Variants in ZNRF1 observed in about 807,000 individuals in gnomAD.
ZNRF1 encodes the protein E3 ubiquitin-protein ligase ZNRF1.
ZNRF1 carries 3 observed loss-of-function variants against 18.4 expected under a neutral mutation model. The observed-to-expected ratio is 0.16, with a 90% CI of 0.07 to 0.42. The LOEUF (loss-of-function observed/expected upper bound fraction) is 0.42, where lower values mean the gene tolerates loss of function less well. Ranked by LOEUF, ZNRF1 falls within the 10% of genes least tolerant of loss-of-function variation. ZNRF1 has a pLI of 0.99. For missense variants in ZNRF1, 310 were observed against 329.8 expected (o/e 0.94, Z 0.47); for synonymous variants, 157 against 144.2 (o/e 1.09, Z -0.64).
At chr16:75,059,329 C>T (rs1488286174) in intron 1 of ZNRF1, among the ~76,000 whole-genome samples, 1 of 145,266 alleles carries the variant, frequency 6.9e-6, no homozygotes, top group Non-Finnish European at 1.5e-5. Flanking sequence ...CTCACTGCAA[C>T]CTCCACCTCC....
rs1045854246 is a variant in ZNRF1 at position 75,109,765 on chromosome 16, G to A, written c.*2065G>A. The stretch of plus-strand genomic sequence containing the variant: ...CGGGGACAAAACCATGCAGCTCAGA[G>A]GTCCCTGTGGGGGCTGGGGGAGCTG... On this transcript the variant is annotated 3_prime_UTR_variant, in exon 5 of 5. Coordinates refer to ENST00000335325, the MANE Select transcript of ZNRF1 (RefSeq NM_032268.5). 6.6e-6 allele frequency: 1 copy of A among 152,298 alleles called. No individual in the cohort carries two copies. The highest frequency in any genetic ancestry group is 1.5e-5 in the Non-Finnish European group (1 of 68,102). The allele number at this position is 152,298 out of a possible 1,614,324, so 9.4% of individuals were successfully genotyped here. A position where few individuals can be genotyped will look rare whatever the true frequency, so the allele number is the denominator to read the frequency against.
chr16:75,106,613 G>T, intron 4 of ZNRF1, 42 bp downstream of exon 4: 1 of 1,581,852 alleles, frequency 6.3e-7, no homozygotes, highest in Non-Finnish European at 8.7e-7. Context: ...AAGGCTTGGG[G>T]TCAGGTCACT....
chr16:75,045,770 C>T (rs1597877593), intron 1 of ZNRF1, among the ~76,000 whole-genome samples: 2 of 149,320 alleles, frequency 1.3e-5, no homozygotes, highest in African/African-American at 5.0e-5. Flanking sequence ...GGCTGGAGTG[C>T]AGTGGCATGA....
intron 1 of ZNRF1, among the ~76,000 whole-genome samples, chr16:75,018,665 C>G (rs1015169181): frequency 3.3e-5 from 5 of 152,170 alleles, no homozygotes; most frequent in Admixed American, 6.5e-5. Flanking sequence ...GGGCTTTCTC[C>G]TTTCAGTTGT....
At chr16:75,066,130 G>A (rs576639933) in intron 1 of ZNRF1, among the ~76,000 whole-genome samples, 49 of 152,284 alleles carry the variant, frequency 3.2e-4, no homozygotes, top group Non-Finnish European at 5.4e-4. Context: ...TTGGAGGCTC[G>A]CTCTTTGAAG....
chr16:75,102,362 A>G (rs370455949), intron 2 of ZNRF1, among the ~76,000 whole-genome samples: 2 of 152,204 alleles, frequency 1.3e-5, no homozygotes, highest in South Asian at 2.1e-4. Context: ...CAAAATGAGA[A>G]TAACACTGGG....
chr16:75,037,462 C>A (rs1597872517), intron 1 of ZNRF1, among the ~76,000 whole-genome samples: 1 of 152,126 alleles, frequency 6.6e-6, no homozygotes, highest in Non-Finnish European at 1.5e-5. Context: ...CTCAGCCTCC[C>A]AAGTAGCTGG....
At position 75,099,585 on chromosome 16, in the gene ZNRF1, G is replaced by A. The variant is rs371283697; in HGVS notation, c.521-5199G>A. ...TTTGTACAGTGGCGTCAGGAAACTT[G>A]GGAGGTGCTTCAGAGGTAGTAAGAA... On this transcript the variant is annotated intron_variant, in intron 2 of 4. Coordinates refer to ENST00000335325, the MANE Select transcript of ZNRF1 (RefSeq NM_032268.5). Among the ~76,000 whole-genome samples the A allele has an allele frequency of 1.3e-4, 20 of 152,340 alleles. 2 individuals carry two copies. The highest frequency in any genetic ancestry group is 1.0e-3 in the South Asian group (5 of 4,822).
At chr16:75,017,193 TTG>T (rs2035084005) in intron 1 of ZNRF1, among the ~76,000 whole-genome samples, 1 of 152,184 alleles carries the variant, frequency 6.6e-6, no homozygotes, top group Admixed American at 6.5e-5. Flanking sequence ...TTTTGGCACT[TTG>T]TGCTTCCAGA....
intron 1 of ZNRF1, among the ~76,000 whole-genome samples, chr16:75,007,634 G>A (rs571838924): frequency 1.4e-4 from 21 of 152,188 alleles, no homozygotes; most frequent in Non-Finnish European, 3.1e-4. Context: ...AAGGTGCTCA[G>A]TATTCTCTAG....
rs543217094 is a variant in ZNRF1, at chr16:75,072,341, C to G, written c.425-21231C>G. 7.2e-5 allele frequency among the ~76,000 whole-genome samples: 11 copies of G among 152,260 alleles called. No individual in the cohort carries two copies. The East Asian group carries it at 7.7e-4, about 11-fold the overall frequency. ...TGCTTTCCTCACATCACTGTCACCC[C>G]AACCCACTGGCCCCAAAATGGCAGT... On this transcript the variant is annotated intron_variant, in intron 1 of 4. Coordinates refer to ENST00000335325, the MANE Select transcript of ZNRF1 (RefSeq NM_032268.5).
intron 1 of ZNRF1, among the ~76,000 whole-genome samples, chr16:75,037,812 T>G (rs1256406447): frequency 1.3e-5 from 2 of 152,182 alleles, no homozygotes; most frequent in Non-Finnish European, 2.9e-5. Context: ...ACCACTGATT[T>G]TAGTTAGCAT....
At chr16:75,029,062 T>C (rs1244384332) in intron 1 of ZNRF1, among the ~76,000 whole-genome samples, 1 of 130,798 alleles carries the variant, frequency 7.6e-6, no homozygotes, top group East Asian at 2.3e-4. Flanking sequence ...ATGTCCAGCT[T>C]GACTGCAATC....
At chr16:75,085,540 A>G (rs2036062422) in intron 1 of ZNRF1, among the ~76,000 whole-genome samples, 3 of 152,156 alleles carry the variant, frequency 2.0e-5, no homozygotes, top group Non-Finnish European at 4.4e-5. Context: ...TCTTTTGGGT[A>G]AATACATAGA....
At chr16:75,025,401 C>G (rs1597864816) in intron 1 of ZNRF1, among the ~76,000 whole-genome samples, 1 of 152,200 alleles carries the variant, frequency 6.6e-6, no homozygotes, top group Non-Finnish European at 1.5e-5. Flanking sequence ...GTTGTAATTT[C>G]TGGAAACTTG....
chr16:75,100,909 T>A (rs1007688614), intron 2 of ZNRF1, among the ~76,000 whole-genome samples: 3 of 152,196 alleles, frequency 2.0e-5, no homozygotes, highest in Non-Finnish European at 4.4e-5. Context: ...TCTGTTTTAT[T>A]ATGAAAAATG....
At position 75,056,907 on chromosome 16, in the gene ZNRF1, G is replaced by T. The variant is rs528419368; in HGVS notation, c.425-36665G>T. Among the ~76,000 whole-genome samples the T allele has an allele frequency of 4.6e-5, 7 of 152,270 alleles. No individual in the cohort carries two copies. In the South Asian group the frequency reaches 1.5e-3, roughly 32 times the overall value. Reference sequence around the variant, plus strand: ...CCGCCTTGGCCTCCCAAAGTGCTGGGATTACAGGCCTGAGCCACTGCGCCT... The same window carrying T: ...CCGCCTTGGCCTCCCAAAGTGCTGGTATTACAGGCCTGAGCCACTGCGCCT... On this transcript the variant is annotated intron_variant, in intron 1 of 4. Transcript: ENST00000335325.
At chr16:75,056,751 C>G (rs1458978980) in intron 1 of ZNRF1, among the ~76,000 whole-genome samples, 4 of 152,094 alleles carry the variant, frequency 2.6e-5, no homozygotes, top group African/African-American at 7.2e-5. Context: ...CTCAGCCTCC[C>G]TAGTAGCTGG....
At chr16:75,081,131 C>T (rs996543014) in intron 1 of ZNRF1, among the ~76,000 whole-genome samples, 1 of 152,114 alleles carries the variant, frequency 6.6e-6, no homozygotes, top group Non-Finnish European at 1.5e-5. Flanking sequence ...CGAGATCACG[C>T]CACTGCACTC....
Sources: gnomAD v4.1 joint callset for allele counts (sites outside exome capture counted in the v4.1 genomes callset) on GRCh38, gnomAD v4.1.1 for gene constraint, MANE v1.5 for transcripts, NCBI Gene and HGNC (gene_info 2026-07-23, HGNC 2026-07-21) for gene names.